The following NPHP3 variants were observed in gnomAD, a reference collection of about 807,000 sequenced individuals.
NPHP3 encodes nephrocystin 3.
A neutral mutation model predicts 171.9 loss-of-function variants in NPHP3; 123 were observed. That is an observed-to-expected ratio of 0.72 (90% confidence interval 0.62 to 0.83). The LOEUF (loss-of-function observed/expected upper bound fraction) is 0.83. Ranked by LOEUF, NPHP3 falls within the 40% of genes least tolerant of loss-of-function variation. The pLI, the probability that NPHP3 is intolerant of heterozygous loss-of-function variation, is 0.00. For synonymous variants in NPHP3, 558 were observed against 579.2 expected, an observed-to-expected ratio of 0.96 and a Z score of 0.52; for missense variants, 1,506 against 1,591.9, an observed-to-expected ratio of 0.95 and a Z score of 0.92.
rs1187315778 is a variant in NPHP3, at chr3:132,697,261, T to G, written c.2087A>C (p.Gln696Pro). The change falls in exon 14 of 27, where the codon CAG (glutamine) becomes CCG (proline). Residue 696 changes from glutamine to proline, a missense_variant and splice_region_variant. Physicochemically the swap from Gln to Pro is moderately conservative, Grantham distance 76. Transcript: ENST00000337331. ...HSVDIKLSKE[Q>P]EKKLERHCRS... ...TGCATCAAAATGAAAAATACACACC[T>G]GCTCTTTACTCAATTTAATGTCTAC... The G allele has an allele frequency of 6.3e-7, 1 of 1,586,502 alleles. No homozygotes were observed. Among genetic ancestry groups the G allele is most frequent in the Non-Finnish European group, 8.6e-7 (1 of 1,156,326 alleles).
rs147929280 is a variant in NPHP3, at chr3:132,721,378, T to A, written c.393+585A>T. 3.4e-3 allele frequency: 606 copies of A among 175,976 alleles called. 3 individuals carry two copies. Among genetic ancestry groups the A allele is most frequent in the African/African-American group, 0.014 (581 of 42,080 alleles). 10.9% of individuals were successfully genotyped at this position (175,976 alleles called of 1,614,324 possible). A position where few individuals can be genotyped will look rare whatever the true frequency, so the allele number is the denominator to read the frequency against. On this transcript the variant is annotated intron_variant, in intron 1 of 26. Transcript: ENST00000337331. ...ATCAGGAGGCTTCCAGAAATTTTCA[T>A]GTCAAGACCATTAAAATGCAAGAGC... is the stretch of plus-strand genomic sequence containing the variant.
chr3:132,683,575 C>T (rs1939085273), intron 24 of NPHP3, 51 bp from the exon 25 acceptor site: 1 of 1,428,256 alleles, frequency 7.0e-7, no homozygotes, highest in African/African-American at 1.4e-5. Flanking sequence ...TAAATACTAT[C>T]TTATCAGAGC....
intron 7 of NPHP3, among the ~76,000 whole-genome samples, chr3:132,706,826 T>C (rs1250112460): frequency 1.3e-5 from 2 of 152,216 alleles, no homozygotes; most frequent in Non-Finnish European, 2.9e-5. Flanking sequence ...ATATCTTTTT[T>C]GTGGGACGTA....
intron 1 of NPHP3, chr3:132,721,451 C>A: frequency 5.1e-6 from 1 of 197,068 alleles, no homozygotes; most frequent in Non-Finnish European, 1.1e-5. Context: ...CTTTGGAGAC[C>A]CACTTAAAAT....
intron 12 of NPHP3, 112 bp downstream of exon 12, chr3:132,699,806 A>G (rs1939558192): frequency 4.9e-6 from 6 of 1,220,020 alleles, no homozygotes; most frequent in Non-Finnish European, 7.1e-6. Flanking sequence ...GCAGAAATAT[A>G]AAAAATAACA....
intron 1 of NPHP3, chr3:132,721,728 G>T (rs570500365): frequency 3.9e-5 from 27 of 696,598 alleles, no homozygotes; most frequent in Admixed American, 8.1e-5. Context: ...TTGAGCCCAG[G>T]AGTTCCAGGT....
At chr3:132,699,682 G>A (rs1013727715) in intron 12 of NPHP3, among the ~76,000 whole-genome samples, 2 of 152,188 alleles carry the variant, frequency 1.3e-5, no homozygotes, top group South Asian at 2.1e-4. Flanking sequence ...AAATATGTCA[G>A]AACGAATAGT....
intron 15 of NPHP3, among the ~76,000 whole-genome samples, chr3:132,695,849 G>A (rs922986123): frequency 6.6e-6 from 1 of 152,160 alleles, no homozygotes; most frequent in African/African-American, 2.4e-5. Context: ...TGGGAGGATC[G>A]CTTGAGTCTG....
intron 12 of NPHP3, 31 bp downstream of exon 12, chr3:132,699,887 A>G (rs2107980701): frequency 6.2e-7 from 1 of 1,609,934 alleles, no homozygotes; most frequent in Non-Finnish European, 8.5e-7. Flanking sequence ...CTTTCTGAGC[A>G]TATCAATAGG....
intron 1 of NPHP3, among the ~76,000 whole-genome samples, chr3:132,720,554 T>G (rs986530919): frequency 2.6e-5 from 4 of 152,162 alleles, no homozygotes; most frequent in Admixed American, 2.6e-4. Flanking sequence ...GCATTAAGGT[T>G]GCCCAGTAGG....
intron 21 of NPHP3, 66 bp downstream of exon 21, chr3:132,688,584 T>A (rs1939219411): frequency 6.4e-7 from 1 of 1,552,376 alleles, no homozygotes; most frequent in African/African-American, 1.4e-5. Context: ...AAGCTTACCC[T>A]ATAAGTACAC....
At chr3:132,695,912 C>T (rs897761968) in intron 15 of NPHP3, among the ~76,000 whole-genome samples, 4 of 152,060 alleles carry the variant, frequency 2.6e-5, no homozygotes, top group Non-Finnish European at 4.4e-5. Flanking sequence ...CCAGCCTGGG[C>T]AACAGAGAGT....
chr3:132,703,992 A>C (rs1366479333), intron 9 of NPHP3, among the ~76,000 whole-genome samples: 2 of 152,190 alleles, frequency 1.3e-5, no homozygotes, highest in Non-Finnish European at 2.9e-5. Context: ...CATAACTAAA[A>C]ATGTTCGGTC....
At position 132,691,175 on chromosome 3, in the gene NPHP3, A is replaced by G. The variant is rs1939289657; in HGVS notation, c.2570+17T>C. ...GTTGCAGAAGTTACAGAAGAACAAC[A>G]GGAACATTTACAATACCTTAGCTGC... On this transcript the variant is annotated intron_variant, in intron 18 of 26. Transcript: ENST00000337331. The G allele has an allele frequency of 6.3e-7, 1 of 1,576,860 alleles. No homozygotes were observed. The highest frequency in any genetic ancestry group is 8.7e-7 in the Non-Finnish European group (1 of 1,146,196).
Position 132,682,802 on chromosome 3 carries a change from G to A in NPHP3, c.3713C>T (p.Ala1238Val). 2 of 1,608,092 alleles carry A rather than the reference G, an allele frequency of 1.2e-6. No individual in the cohort carries two copies. The highest frequency in any genetic ancestry group is 4.5e-5 in the East Asian group (2 of 44,806). ...LYSQMKKHVE[A>V]LPLYERALKI... The stretch of plus-strand genomic sequence containing the variant: ...TAATGCTCTTTCATATAATGGCAAA[G>A]CTTCAACGTGTTTTTTCTTATTAAA... The change falls in exon 26 of 27, where the codon GCT becomes GTT. Residue 1238 changes from alanine to valine, a missense_variant. Physicochemically the swap from Ala to Val is moderately conservative, Grantham distance 64. Around this residue, in one of 3 missense-constraint regions of NPHP3, gnomAD observed 569 missense variants for 648.1 expected, o/e 0.88. Coordinates refer to ENST00000337331, the MANE Select transcript of NPHP3 (RefSeq NM_153240.5).
chr3:132,694,330 A>G (rs894834996), intron 16 of NPHP3, among the ~76,000 whole-genome samples: 3 of 151,412 alleles, frequency 2.0e-5, no homozygotes, highest in Admixed American at 6.6e-5. Context: ...CGAAGAAAAA[A>G]CTATAAAACT....
chr3:132,693,158 C>A (rs772512302), intron 16 of NPHP3: 2 of 256,792 alleles, frequency 7.8e-6, no homozygotes, highest in East Asian at 2.2e-4. Flanking sequence ...CTATTATAAA[C>A]ACGTATGAAT....
chr3:132,705,727 A>T lies in NPHP3; in HGVS notation c.1350+13T>A. ...ATATTTTAGATGAAAACTTACAGAG[A>T]ATGCATATTTACCTGTTTAATAATC... is the stretch of plus-strand genomic sequence containing the variant. On this transcript the variant is annotated intron_variant, in intron 8 of 26. Coordinates refer to ENST00000337331, the MANE Select transcript of NPHP3 (RefSeq NM_153240.5). 8.4e-7 allele frequency: 1 copy of T among 1,183,680 alleles called. No individual in the cohort carries two copies. The highest frequency in any genetic ancestry group is 1.3e-6 in the Non-Finnish European group (1 of 794,342). The allele number at this position is 1,183,680 out of a possible 1,614,324, so 73.3% of individuals were successfully genotyped here. A position where few individuals can be genotyped will look rare whatever the true frequency, so the allele number is the denominator to read the frequency against.
intron 18 of NPHP3, 33 bp downstream of exon 18, chr3:132,691,159 G>T: frequency 1.4e-6 from 2 of 1,473,544 alleles, no homozygotes; most frequent in Non-Finnish European, 9.5e-7. Flanking sequence ...TGTTGCAGAA[G>T]TTACAGAAGA....
Sources: allele counts gnomAD v4.1 joint callset (sites outside exome capture counted in the v4.1 genomes callset), GRCh38; gene constraint gnomAD v4.1.1; regional missense constraint gnomAD v4.1.1; transcripts MANE v1.5; gene names NCBI Gene and HGNC (gene_info 2026-07-23, HGNC 2026-07-21).